The following PCDH15 variants were observed in gnomAD, a reference collection of about 807,000 sequenced individuals.
The protein encoded by PCDH15 is protocadherin related 15, also known as protocadherin-15.
Under a neutral mutation model 178.5 loss-of-function variants are expected in PCDH15, and 129 were observed. The ratio of observed to expected loss-of-function variants is 0.72; its 90% CI spans 0.63 to 0.84. PCDH15 has a LOEUF of 0.84. Ranked by LOEUF, PCDH15 falls within the 40% of genes least tolerant of loss-of-function variation. The probability of loss-of-function intolerance (pLI) is 0.00; values close to 1 mark genes in which losing one functional copy is unlikely to be tolerated. For missense variants in PCDH15, 2,230 were observed against 2,099.9 expected (o/e 1.06, Z -1.21); for synonymous variants, 800 against 732.0 (o/e 1.09, Z -1.50).
Position 54,901,139 on chromosome 10 carries a change from C to A in PCDH15, c.-79-3639G>T, listed in dbSNP as rs528264388. Reference sequence around the variant, plus strand: ...CAGCCTGGGCAACAAAGTAAGACCCCCCTCCACCATCTCTACAAAAAATTA... The same window carrying A: ...CAGCCTGGGCAACAAAGTAAGACCCACCTCCACCATCTCTACAAAAAATTA... On this transcript the variant is annotated intron_variant, in intron 2 of 5. Transcript: ENST00000458638. Among the ~76,000 whole-genome samples, 6 of 152,050 alleles carry A rather than the reference C, an allele frequency of 3.9e-5. No individual in the cohort carries two copies. The East Asian group carries it at 9.7e-4, about 25-fold the overall frequency.
chr10:55,176,377 T>G (rs930077565), intron 1 of PCDH15, among the ~76,000 whole-genome samples: 3 of 152,154 alleles, frequency 2.0e-5, no homozygotes, highest in Non-Finnish European at 2.9e-5. Context: ...CAGGGTATAC[T>G]CTTTGTCTTC....
intron 3 of PCDH15, among the ~76,000 whole-genome samples, chr10:54,398,701 T>C (rs1951554284): frequency 1.3e-5 from 2 of 152,046 alleles, no homozygotes; most frequent in African/African-American, 4.8e-5. Context: ...TAGGTTATTT[T>C]ATTTGCTGCT....
At chr10:54,846,952 A>G (rs752486772) in intron 3 of PCDH15, among the ~76,000 whole-genome samples, 3 of 152,228 alleles carry the variant, frequency 2.0e-5, no homozygotes, top group Non-Finnish European at 2.9e-5. Context: ...CTTCATTTAC[A>G]TTATCACCCA....
intron 1 of PCDH15, among the ~76,000 whole-genome samples, chr10:55,291,352 C>A (rs755499991): frequency 6.6e-6 from 1 of 152,168 alleles, no homozygotes; most frequent in Non-Finnish European, 1.5e-5. Flanking sequence ...AAGCAAAGGA[C>A]AAGTCTTTAT....
intron 1 of PCDH15, among the ~76,000 whole-genome samples, chr10:54,695,569 TC>T (rs1352805084): frequency 3.3e-5 from 5 of 152,110 alleles, no homozygotes; most frequent in Non-Finnish European, 7.4e-5. Flanking sequence ...GAAAATACCT[TC>T]TATGGAAGGA....
At chr10:55,406,970 G>A (rs188249314) in intron 2 of PCDH15, among the ~76,000 whole-genome samples, 6 of 152,222 alleles carry the variant, frequency 3.9e-5, no homozygotes, top group East Asian at 1.9e-4. Context: ...AGTGATACAC[G>A]ATGCCAAATG....
chr10:54,888,555 C>T (rs939411815), intron 3 of PCDH15, among the ~76,000 whole-genome samples: 1 of 151,702 alleles, frequency 6.6e-6, no homozygotes, highest in Non-Finnish European at 1.5e-5. Flanking sequence ...TAGGTAAATA[C>T]TTAGGATGGC....
chr10:53,864,506 A>G (rs1293669383), intron 27 of PCDH15, among the ~76,000 whole-genome samples: 1 of 152,178 alleles, frequency 6.6e-6, no homozygotes, highest in African/African-American at 2.4e-5. Context: ...TGCTTAGGGC[A>G]TCAATCCACT....
At chr10:54,569,496 T>C (rs1205018926) in intron 2 of PCDH15, among the ~76,000 whole-genome samples, 1 of 152,182 alleles carries the variant, frequency 6.6e-6, no homozygotes, top group Admixed American at 6.5e-5. Flanking sequence ...ACAAAAGTCA[T>C]TACTACGTTA....
At chr10:54,307,148 AT>A in intron 8 of PCDH15, among the ~76,000 whole-genome samples, 1 of 102,514 alleles carries the variant, frequency 9.8e-6, no homozygotes, top group South Asian at 3.3e-4. Context: ...ATATATATAT[AT>A]AAAATTGCTT....
intron 23 of PCDH15, among the ~76,000 whole-genome samples, chr10:53,944,115 G>T (rs894529513): frequency 6.6e-6 from 1 of 152,090 alleles, no homozygotes; most frequent in Non-Finnish European, 1.5e-5. Context: ...AATTAATAGG[G>T]AGAGGAATGG....
At chr10:54,513,377 C>T (rs150245423) in intron 3 of PCDH15, among the ~76,000 whole-genome samples, 2,712 of 151,956 alleles carry the variant, frequency 0.018, 78 homozygotes, top group African/African-American at 0.061. Context: ...TCTCATGCCT[C>T]GGCCTCCCAA....
intron 2 of PCDH15, among the ~76,000 whole-genome samples, chr10:54,663,724 G>A (rs112949387): frequency 2.2e-3 from 325 of 149,104 alleles, no homozygotes; most frequent in African/African-American, 7.5e-3. Flanking sequence ...ATAAAATAAC[G>A]CAATGCCCAG....
chr10:55,513,194 T>C (rs987186612), intron 2 of PCDH15: 4 of 152,142 alleles, frequency 2.6e-5, no homozygotes, highest in African/African-American at 9.6e-5. Context: ...AAGAAACAGA[T>C]GAAATAAAGA....
intron 3 of PCDH15, among the ~76,000 whole-genome samples, chr10:54,863,537 G>A (rs1363904016): frequency 1.3e-5 from 2 of 152,230 alleles, no homozygotes; most frequent in East Asian, 1.9e-4. Context: ...GCGAGACTCC[G>A]TCTCAAAATA....
At chr10:53,821,249 C>T (rs1039762809) in intron 32 of PCDH15, 8 of 983,954 alleles carry the variant, frequency 8.1e-6, no homozygotes, top group Middle Eastern at 5.2e-4. Context: ...AAGATAAAAG[C>T]AAGTCAGAGT....
intron 1 of PCDH15, among the ~76,000 whole-genome samples, chr10:55,275,305 C>G (rs533394484): frequency 9.9e-5 from 15 of 151,702 alleles, no homozygotes; most frequent in African/African-American, 3.4e-4. Flanking sequence ...TTTAGTGTCT[C>G]TTGATTATTA....
intron 5 of PCDH15, among the ~76,000 whole-genome samples, chr10:54,347,875 G>T (rs1159294069): frequency 6.9e-6 from 1 of 145,894 alleles, no homozygotes; most frequent in Non-Finnish European, 1.5e-5. Context: ...TTGAGATGGA[G>T]TCTCACTCTG....
Position 55,316,315 on chromosome 10 carries a change from C to G in PCDH15, c.-156+3284G>C, listed in dbSNP as rs58457350. Among the ~76,000 whole-genome samples, 915 of 152,158 alleles carry G rather than the reference C, an allele frequency of 6.0e-3. 5 individuals are homozygous for G. The highest frequency in any genetic ancestry group is 0.027 in the Middle Eastern group (8 of 294). Reference sequence around the variant, plus strand: ...CATGAACCACAAAGAGATTCACAACCTAGATTAATAAATTATTTTAAATGT... The same window carrying G: ...CATGAACCACAAAGAGATTCACAACGTAGATTAATAAATTATTTTAAATGT... On this transcript the variant is annotated intron_variant, in intron 1 of 5. Coordinates refer to the PCDH15 transcript ENST00000458638.
Sources: gnomAD v4.1 joint callset for allele counts (sites outside exome capture counted in the v4.1 genomes callset) on GRCh38, gnomAD v4.1.1 for gene constraint, MANE v1.5 for transcripts, NCBI Gene and HGNC (gene_info 2026-07-23, HGNC 2026-07-21) for gene names.